The following TPRA1 variants were observed in gnomAD, a reference collection of about 807,000 sequenced individuals.
The protein encoded by TPRA1 is transmembrane protein adipocyte-associated 1.
A neutral mutation model predicts 40.1 loss-of-function variants in TPRA1; 28 were observed. The ratio of observed to expected loss-of-function variants is 0.70; its 90% CI spans 0.52 to 0.96. The LOEUF (loss-of-function observed/expected upper bound fraction) is 0.96, where lower values mean the gene tolerates loss of function less well. Among genes scored for constraint, TPRA1 ranks in the 40% least tolerant of loss-of-function variants. TPRA1 has a pLI of 0.00. For missense variants in TPRA1, 441 were observed against 482.6 expected, an observed-to-expected ratio of 0.91 and a Z score of 0.81; for synonymous variants, 219 against 209.7, an observed-to-expected ratio of 1.04 and a Z score of -0.38.
rs143536771 is a variant in TPRA1, at chr3:127,573,746, G to A, written c.897C>T (p.Asp299=). ...KILFSYKCQV[D]ETEEPDVHLP... is the part of the protein sequence containing the mutation. ...GGTGTACATCTGGCTCCTCTGTCTC[G>A]TCCACTTGGCATTTGTAGGAGAAGA... The change falls in exon 11 of 11, where the codon GAC becomes GAT. Residue 299 remains aspartate, a synonymous_variant. Coordinates refer to ENST00000355552, the MANE Select transcript of TPRA1 (RefSeq NM_001136053.4). 8.7e-4 allele frequency: 1,390 copies of A among 1,591,280 alleles called. 15 individuals are homozygous for A. The African/African-American group carries it at 0.013, about 15-fold the overall frequency.
At chr3:127,591,381 A>C (rs949438276), upstream of TPRA1, among the ~76,000 whole-genome samples, 4 of 152,232 alleles carry the variant, frequency 2.6e-5, no homozygotes, top group African/African-American at 9.6e-5. Context: ...ACTTGACCAA[A>C]GCCGCGCAAT....
In TPRA1 at chr3:127,573,484, T is replaced by A. The variant is rs1000019089; in HGVS notation, c.*37A>T. 2 of 1,588,848 alleles carry A rather than the reference T, an allele frequency of 1.3e-6. No individual in the cohort carries two copies. Among genetic ancestry groups the A allele is most frequent in the African/African-American group, 1.3e-5 (1 of 74,756 alleles). On this transcript the variant is annotated 3_prime_UTR_variant, in exon 11 of 11. Coordinates refer to ENST00000355552, the MANE Select transcript of TPRA1 (RefSeq NM_001136053.4). ...GGGGACTCTGGGCCTGCTGGCCTCC[T>A]CTCTGGCCTGTCCTCCACAGGCCCT...
Position 127,576,091 on chromosome 3 carries a change from A to C in TPRA1, c.499-41T>G, listed in dbSNP as rs1375534977. ...GGAAGGGAGGAAGGGAGAGGATCTC[A>C]AGGCTTCTCTCTCCCAGGGGCTTTC... On this transcript the variant is annotated intron_variant, in intron 6 of 10. Transcript: ENST00000355552. The surrounding 1 kb of genome is among the most constrained non-coding windows in gnomAD (Gnocchi z 4.6). 280 of 1,489,342 alleles carry C rather than the reference A, an allele frequency of 1.9e-4. No individual in the cohort carries two copies. The highest frequency in any genetic ancestry group is 2.3e-4 in the Non-Finnish European group (250 of 1,070,646). The allele number at this position is 1,489,342 out of a possible 1,614,324, so 92.3% of individuals were successfully genotyped here. A position where few individuals can be genotyped will look rare whatever the true frequency, so the allele number is the denominator to read the frequency against.
chr3:127,576,094 G>A lies in TPRA1; in HGVS notation c.499-44C>T. ...AGGGAGGAAGGGAGAGGATCTCAAGGCTTCTCTCTCCCAGGGGCTTTCCCT... is the reference window on the plus strand; with the variant it reads ...AGGGAGGAAGGGAGAGGATCTCAAGACTTCTCTCTCCCAGGGGCTTTCCCT... On this transcript the variant is annotated intron_variant, in intron 6 of 10. Coordinates refer to ENST00000355552, the MANE Select transcript of TPRA1 (RefSeq NM_001136053.4). The surrounding 1 kb of genome is among the most constrained non-coding windows in gnomAD (Gnocchi z 4.6). 6.7e-7 allele frequency: 1 copy of A among 1,495,288 alleles called. No individual in the cohort carries two copies. Among genetic ancestry groups the A allele is most frequent in the Non-Finnish European group, 9.3e-7 (1 of 1,077,030 alleles). The allele number at this position is 1,495,288 out of a possible 1,614,324, so 92.6% of individuals were successfully genotyped here. A position where few individuals can be genotyped will look rare whatever the true frequency, so the allele number is the denominator to read the frequency against.
upstream of TPRA1, chr3:127,594,996 G>A (rs1015504791): frequency 1.3e-5 from 2 of 152,354 alleles, no homozygotes; most frequent in Non-Finnish European, 2.9e-5. Flanking sequence ...TGTTGGCTGG[G>A]GTCCCAGCTC....
In TPRA1 at chr3:127,573,543, C is replaced by A; in HGVS notation, c.1100G>T (p.Arg367Leu). The change falls in exon 11 of 11, where the codon CGC becomes CTC. Residue 367 changes from arginine to leucine, a missense_variant. Coordinates refer to ENST00000355552, the MANE Select transcript of TPRA1 (RefSeq NM_001136053.4). ...TGSINSTDSE[R>L]WKAINA ...CCCTCAGGCATTGATGGCCTTCCAGCGCTCGCTGTCTGTGCTGTTGATGCT... is the reference window on the plus strand; with the variant it reads ...CCCTCAGGCATTGATGGCCTTCCAGAGCTCGCTGTCTGTGCTGTTGATGCT... 2 of 1,612,508 alleles carry A rather than the reference C, an allele frequency of 1.2e-6. No homozygotes were observed. The highest frequency in any genetic ancestry group is 1.7e-6 in the Non-Finnish European group (2 of 1,179,666).
intron 1 of TPRA1, among the ~76,000 whole-genome samples, chr3:127,583,401 G>A (rs2073894101): frequency 6.6e-6 from 1 of 152,180 alleles, no homozygotes; most frequent in African/African-American, 2.4e-5. Flanking sequence ...GGAAGGCTGA[G>A]GTGGGAGTAT....
At chr3:127,580,915 G>A (rs189483834) in intron 1 of TPRA1, among the ~76,000 whole-genome samples, 6 of 152,338 alleles carry the variant, frequency 3.9e-5, no homozygotes, top group Admixed American at 2.0e-4. Context: ...CAATGGCCAC[G>A]CTGCAGGGTG....
intron 3 of TPRA1, among the ~76,000 whole-genome samples, chr3:127,577,498 TAACAGATGCA>T (rs996914407): frequency 1.4e-4 from 22 of 152,038 alleles, no homozygotes; most frequent in African/African-American, 5.3e-4. Context: ...TCAAATGGAT[TAACAGATGCA>T]GCAGAAGCCT....
At chr3:127,580,347 G>A (rs957176017) in intron 1 of TPRA1, 184 bp from the exon 2 acceptor site, 5 of 629,526 alleles carry the variant, frequency 7.9e-6, no homozygotes, top group Admixed American at 6.4e-5. Flanking sequence ...CCCCAGGCAG[G>A]GGCCCAGTCC....
At chr3:127,595,286 T>C (rs2074230315), upstream of TPRA1, among the ~76,000 whole-genome samples, 1 of 152,040 alleles carries the variant, frequency 6.6e-6, no homozygotes, top group South Asian at 2.1e-4. Context: ...CAAGAACCTC[T>C]CATCTGAGAA....
intron 1 of TPRA1, among the ~76,000 whole-genome samples, chr3:127,585,116 C>T (rs1473456339): frequency 6.6e-6 from 1 of 152,170 alleles, no homozygotes; most frequent in African/African-American, 2.4e-5. Flanking sequence ...TTTGTTTCAA[C>T]AGCTAGCCCA....
At chr3:127,580,192 T>G in intron 1 of TPRA1, 29 bp from the exon 2 acceptor site, 2 of 1,597,390 alleles carry the variant, frequency 1.3e-6, no homozygotes, top group Non-Finnish European at 1.7e-6. Flanking sequence ...CCCAGTGAGC[T>G]GTGTGGCCTG....
Position 127,579,888 on chromosome 3 carries a change from A to C in TPRA1, c.126-16T>G. 2 of 1,613,010 alleles carry C rather than the reference A, an allele frequency of 1.2e-6. No homozygotes were observed. Among genetic ancestry groups the C allele is most frequent in the African/African-American group, 1.3e-5 (1 of 75,032 alleles). On this transcript the variant is annotated splice_polypyrimidine_tract_variant and intron_variant, in intron 2 of 10. Transcript: ENST00000355552. ...GTACCGGACCCTGGCGGATGGGCACAGGAGCTGGCTCACTGGCGAGGCCAC... is the reference window on the plus strand; with the variant it reads ...GTACCGGACCCTGGCGGATGGGCACCGGAGCTGGCTCACTGGCGAGGCCAC...
intron 1 of TPRA1, among the ~76,000 whole-genome samples, chr3:127,590,152 C>T (rs966095372): frequency 3.3e-5 from 5 of 152,166 alleles, no homozygotes; most frequent in Admixed American, 6.5e-5. Context: ...AGCCCGACGC[C>T]GCTACGTGCG....
intron 3 of TPRA1, 73 bp downstream of exon 3, chr3:127,579,667 T>C (rs1384025546): frequency 1.3e-6 from 2 of 1,529,496 alleles, no homozygotes; most frequent in African/African-American, 2.7e-5. Flanking sequence ...TTATTTTCAT[T>C]ATAGAAGCAG....
At chr3:127,592,095 G>A (rs1254339918), upstream of TPRA1, 1 of 152,158 alleles carries the variant, frequency 6.6e-6, no homozygotes, top group Non-Finnish European at 1.5e-5. Context: ...GCGTAATCAC[G>A]AATGACCACA....
In TPRA1 at chr3:127,576,023, CATCAGGGTACAGG is replaced by C; in HGVS notation, c.513_525del (p.Ile171MetfsTer42). Reference sequence around the variant, plus strand: ...TTAAAGTCCTCAGCTGAGAGATGGGCATCAGGGTACAGGATCTCCAGGGTCCCCTGCAGGGGCA... The same window carrying C: ...TTAAAGTCCTCAGCTGAGAGATGGGCATCTCCAGGGTCCCCTGCAGGGGCA... On this transcript the variant is annotated frameshift_variant, in exon 7 of 11. Transcript: ENST00000355552. LOFTEE classifies it high-confidence loss of function. The surrounding 1 kb of genome is among the most constrained non-coding windows in gnomAD (Gnocchi z 4.6). The C allele has an allele frequency of 6.2e-7, 1 of 1,614,010 alleles. No individual in the cohort carries two copies. Among genetic ancestry groups the C allele is most frequent in the Non-Finnish European group, 8.5e-7 (1 of 1,180,012 alleles).
intron 1 of TPRA1, among the ~76,000 whole-genome samples, chr3:127,586,120 G>T (rs908628490): frequency 1.3e-5 from 2 of 152,190 alleles, no homozygotes; most frequent in African/African-American, 4.8e-5. Context: ...CTCATGGGGG[G>T]ATCTGTGCCT....
Sources: gnomAD v4.1 joint callset for allele counts (sites outside exome capture counted in the v4.1 genomes callset) on GRCh38, gnomAD v4.1.1 for gene constraint, Gnocchi (gnomAD v3.1) non-coding constraint, MANE v1.5 for transcripts, NCBI Gene and HGNC (gene_info 2026-07-23, HGNC 2026-07-21) for gene names.